LRRC4C: variants seen among roughly 807,000 people sequenced by gnomAD.
LRRC4C encodes the protein leucine rich repeat containing 4C, also known as leucine-rich repeat-containing protein 4C.
A neutral mutation model predicts 33.6 loss-of-function variants in LRRC4C; 5 were observed. That is an observed-to-expected ratio of 0.15 (90% confidence interval 0.08 to 0.31). LRRC4C has a LOEUF of 0.31. LRRC4C is among the 10% of genes least tolerant of loss of function. The pLI is 1.00. For missense variants in LRRC4C, 560 were observed against 796.7 expected, an observed-to-expected ratio of 0.70 and a Z score of 3.58; for synonymous variants, 329 against 302.0, an observed-to-expected ratio of 1.09 and a Z score of -0.93.
intron 1 of LRRC4C, among the ~76,000 whole-genome samples, chr11:41,061,861 A>G (rs1937793940): frequency 6.6e-6 from 1 of 152,076 alleles, no homozygotes; most frequent in South Asian, 2.1e-4. Flanking sequence ...TACTTAGAAG[A>G]TATGCTGGGA....
intron 3 of LRRC4C, among the ~76,000 whole-genome samples, chr11:40,376,345 A>C (rs1417015499): frequency 1.3e-5 from 2 of 152,150 alleles, no homozygotes; most frequent in Non-Finnish European, 2.9e-5. Flanking sequence ...TGTCTTATAG[A>C]TCTGATTCCC....
intron 2 of LRRC4C, among the ~76,000 whole-genome samples, chr11:40,725,384 T>A (rs770657923): frequency 2.0e-5 from 3 of 152,064 alleles, no homozygotes; most frequent in Non-Finnish European, 4.4e-5. Context: ...GGCAGGTGCT[T>A]GTATTCCCAG....
chr11:41,015,989 G>A (rs561430376), intron 1 of LRRC4C, among the ~76,000 whole-genome samples: 19 of 152,154 alleles, frequency 1.2e-4, no homozygotes, highest in African/African-American at 4.6e-4. Flanking sequence ...GCGAGACTCC[G>A]ACTCCGTCTC....
At chr11:40,433,324 T>C (rs1266315915) in intron 3 of LRRC4C, among the ~76,000 whole-genome samples, 1 of 147,780 alleles carries the variant, frequency 6.8e-6, no homozygotes, top group Non-Finnish European at 1.5e-5. Context: ...AACAGAGCCA[T>C]AGGAAACATT....
intron 1 of LRRC4C, among the ~76,000 whole-genome samples, chr11:41,210,401 C>T (rs1414864277): frequency 6.6e-6 from 1 of 152,154 alleles, no homozygotes; most frequent in African/African-American, 2.4e-5. Flanking sequence ...TTTCGTTTGC[C>T]TCTCATCCTC....
At chr11:40,215,586 G>C (rs1488896472) in intron 5 of LRRC4C, among the ~76,000 whole-genome samples, 1 of 152,116 alleles carries the variant, frequency 6.6e-6, no homozygotes, top group Non-Finnish European at 1.5e-5. Context: ...ATAGCCCTTG[G>C]TGTTGGACAA....
intron 1 of LRRC4C, among the ~76,000 whole-genome samples, chr11:41,267,516 C>T (rs188014525): frequency 1.6e-4 from 24 of 152,196 alleles, no homozygotes; most frequent in East Asian, 1.5e-3. Context: ...GTGGCTAGCA[C>T]GATGCGTGGT....
chr11:40,861,197 A>G (rs1591920880), intron 2 of LRRC4C, among the ~76,000 whole-genome samples: 1 of 152,296 alleles, frequency 6.6e-6, no homozygotes, highest in Non-Finnish European at 1.5e-5. Flanking sequence ...GAGTGAAGAT[A>G]GAAAAGGAAA....
chr11:41,210,072 C>T (rs1328974482), intron 1 of LRRC4C, among the ~76,000 whole-genome samples: 2 of 152,166 alleles, frequency 1.3e-5, no homozygotes, highest in African/African-American at 4.8e-5. Flanking sequence ...GAAACCAACC[C>T]TGTTGGCACC....
At chr11:41,030,272 C>T (rs563267477) in intron 1 of LRRC4C, among the ~76,000 whole-genome samples, 1 of 151,962 alleles carries the variant, frequency 6.6e-6, no homozygotes, top group South Asian at 2.1e-4. Context: ...GCATGCAGAG[C>T]TATGCAGCTA....
intron 3 of LRRC4C, among the ~76,000 whole-genome samples, chr11:40,438,926 C>CTTTTT (rs869144067): frequency 2.8e-5 from 3 of 106,900 alleles, no homozygotes; most frequent in African/African-American, 1.1e-4. Context: ...TGAATTGCTA[C>CTTTTT]TTTTTTTTTT....
chr11:40,596,084 A>G (rs1350013280), intron 3 of LRRC4C, among the ~76,000 whole-genome samples: 1 of 152,138 alleles, frequency 6.6e-6, no homozygotes, highest in African/African-American at 2.4e-5. Flanking sequence ...GACCATTGAT[A>G]TAGGAAAAAG....
chr11:40,279,362 C>T (rs566747863), intron 4 of LRRC4C, among the ~76,000 whole-genome samples: 54 of 152,292 alleles, frequency 3.5e-4, no homozygotes, highest in Middle Eastern at 6.8e-3. Context: ...TTCCAAACTA[C>T]AGCGCTATAC....
At chr11:41,314,056 AG>A (rs1950715252) in intron 1 of LRRC4C, among the ~76,000 whole-genome samples, 1 of 152,184 alleles carries the variant, frequency 6.6e-6, no homozygotes. Flanking sequence ...ACTTGGGAAT[AG>A]ATTGAGGTAA....
At chr11:40,770,362 A>C (rs552933886) in intron 2 of LRRC4C, among the ~76,000 whole-genome samples, 6 of 152,268 alleles carry the variant, frequency 3.9e-5, no homozygotes, top group African/African-American at 1.4e-4. Flanking sequence ...GCATGGGGGA[A>C]CTGCCCCTAT....
At chr11:41,019,962 T>A (rs1486344246) in intron 1 of LRRC4C, among the ~76,000 whole-genome samples, 2 of 152,154 alleles carry the variant, frequency 1.3e-5, no homozygotes, top group African/African-American at 4.8e-5. Context: ...TCCCATTCTG[T>A]AGGTTGCCTG....
rs144060246 is a variant in LRRC4C, at chr11:41,248,491, G to T, written c.-496+210940C>A. On this transcript the variant is annotated intron_variant, in intron 1 of 6. Coordinates refer to ENST00000528697, the MANE Select transcript of LRRC4C (RefSeq NM_001258419.2). ...ATCTTTAGAATGCATTCTTCATTTG[G>T]TTTTCAGGAGGGTCCTTTGAATGGA... Among the ~76,000 whole-genome samples, 814 of 151,878 alleles carry T rather than the reference G, an allele frequency of 5.4e-3. 5 individuals carry two copies. The highest frequency in any genetic ancestry group is 0.019 in the African/African-American group (777 of 41,430).
intron 3 of LRRC4C, among the ~76,000 whole-genome samples, chr11:40,457,103 G>GAAAAAAAAAAAAA (rs74671900): frequency 1.3e-5 from 1 of 78,850 alleles, no homozygotes; most frequent in African/African-American, 4.0e-5. Flanking sequence ...TCTTAAAAAA[G>GAAAAAAAAAAAAA]AAAAAAAAAA....
At chr11:41,328,359 G>A (rs1951187419) in intron 1 of LRRC4C, among the ~76,000 whole-genome samples, 1 of 152,112 alleles carries the variant, frequency 6.6e-6, no homozygotes, top group Admixed American at 6.6e-5. Context: ...AAAATTAGCA[G>A]AATCTTTGTT....
Sources: allele counts gnomAD v4.1 joint callset (sites outside exome capture counted in the v4.1 genomes callset), GRCh38; gene constraint gnomAD v4.1.1; transcripts MANE v1.5; gene names NCBI Gene and HGNC (gene_info 2026-07-23, HGNC 2026-07-21).